TPO: variants seen among roughly 807,000 people sequenced by gnomAD.
TPO encodes thyroid microsomal antigen.
TPO carries 78 observed loss-of-function variants against 96.9 expected under a neutral mutation model. The ratio of observed to expected loss-of-function variants is 0.81; its 90% CI spans 0.67 to 0.97. The LOEUF is 0.97. Ranked by LOEUF, TPO falls within the 50% of genes least tolerant of loss-of-function variation. TPO has a pLI of 0.00. For synonymous variants in TPO, 547 were observed against 538.0 expected (o/e 1.02, Z -0.23); for missense variants, 1,252 against 1,274.8 (o/e 0.98, Z 0.27).
chr2:1,459,948 T>C (rs1370490695), intron 7 of TPO, among the ~76,000 whole-genome samples: 1 of 4,348 alleles, frequency 2.3e-4, no homozygotes, highest in African/African-American at 3.1e-4. Context: ...CTTTCTTTCT[T>C]TTTTTTTTTT....
At position 1,502,572 on chromosome 2, in the gene TPO, T is replaced by C. The variant is rs142209827; in HGVS notation, c.2387-1376T>C. Among the ~76,000 whole-genome samples the C allele has an allele frequency of 2.0e-3, 305 of 152,174 alleles. 2 individuals carry two copies. The highest frequency in any genetic ancestry group is 7.0e-3 in the African/African-American group (290 of 41,512). On this transcript the variant is annotated intron_variant, in intron 13 of 16. Coordinates refer to ENST00000329066, the MANE Select transcript of TPO (RefSeq NM_001206744.2). ...ACCCAGCTCATTTTTGTATTTTTAG[T>C]GGAGATGGGATTTCACCATGTTGGC...
intron 5 of TPO, among the ~76,000 whole-genome samples, chr2:1,446,304 C>T (rs931766936): frequency 6.6e-5 from 10 of 152,190 alleles, no homozygotes; most frequent in Non-Finnish European, 1.5e-5. Flanking sequence ...TTCTCCACCT[C>T]CAGGATTTAT....
intron 15 of TPO, among the ~76,000 whole-genome samples, chr2:1,518,802 G>C (rs965343170): frequency 3.3e-5 from 5 of 152,214 alleles, no homozygotes; most frequent in Non-Finnish European, 7.3e-5. Context: ...TCAATCATCT[G>C]ACTCAGGTGC....
chr2:1,438,783 T>A (rs1573186631), intron 5 of TPO: 1 of 363,070 alleles, frequency 2.8e-6, no homozygotes, highest in African/African-American at 4.4e-5. Context: ...CTGGAGATTT[T>A]TTTTTTTTTT....
intron 1 of TPO, among the ~76,000 whole-genome samples, chr2:1,385,220 T>C (rs1237845982): frequency 2.6e-5 from 4 of 152,226 alleles, no homozygotes; most frequent in Non-Finnish European, 5.9e-5. Flanking sequence ...GATGCTGGCC[T>C]CATAAAATGA....
intron 1 of TPO, among the ~76,000 whole-genome samples, chr2:1,394,501 C>T (rs1481622501): frequency 1.3e-5 from 2 of 152,176 alleles, no homozygotes; most frequent in Non-Finnish European, 2.9e-5. Context: ...GTGCCTGGAT[C>T]CAGACCCGCC....
intron 1 of TPO, among the ~76,000 whole-genome samples, chr2:1,378,533 G>T (rs1296423265): frequency 6.6e-6 from 1 of 152,368 alleles, no homozygotes; most frequent in Non-Finnish European, 1.5e-5. Flanking sequence ...TTTGCCACCT[G>T]TCCTGGGGGC....
At chr2:1,502,952 C>T (rs1312227809) in intron 13 of TPO, among the ~76,000 whole-genome samples, 1 of 152,218 alleles carries the variant, frequency 6.6e-6, no homozygotes, top group Non-Finnish European at 1.5e-5. Flanking sequence ...GGCCAGCCGA[C>T]CACCCCAGCT....
At chr2:1,389,723 G>A (rs533810230) in intron 1 of TPO, among the ~76,000 whole-genome samples, 1 of 152,260 alleles carries the variant, frequency 6.6e-6, no homozygotes, top group Admixed American at 6.5e-5. Flanking sequence ...GGCATCTGAT[G>A]TGTGGCTTTT....
At chr2:1,477,762 T>C in intron 8 of TPO, 158 bp downstream of exon 8, 1 of 985,014 alleles carries the variant, frequency 1.0e-6, no homozygotes, top group African/African-American at 1.7e-5. Context: ...CCTGTGTGGG[T>C]GCGCAGTCCT....
intron 1 of TPO, among the ~76,000 whole-genome samples, chr2:1,387,170 G>C (rs954934205): frequency 6.6e-6 from 1 of 152,120 alleles, no homozygotes; most frequent in Non-Finnish European, 1.5e-5. Flanking sequence ...CAACTTTGGT[G>C]AATCTGACAA....
intron 5 of TPO, among the ~76,000 whole-genome samples, chr2:1,437,822 C>A (rs1249934914): frequency 7.9e-6 from 1 of 127,144 alleles, no homozygotes; most frequent in African/African-American, 2.9e-5. Flanking sequence ...TCCACCCCTC[C>A]TGCCCTGAAG....
At position 1,453,798 on chromosome 2, in the gene TPO, T is replaced by C. The variant is rs370357356; in HGVS notation, c.587T>C (p.Leu196Ser). ...SQPRGWNPGFLYNGFPLPPVR... is the reference protein window; with the variant it reads ...SQPRGWNPGFSYNGFPLPPVR... ...CCCCGAGGCTGGAACCCCGGCTTCT[T>C]GTACAACGGGTTCCCACTGCCCCCG... The change falls in exon 6 of 17, where the codon TTG becomes TCG. Residue 196 changes from leucine (L) to serine (S), a missense_variant. Transcript: ENST00000329066. 6.1e-5 allele frequency: 98 copies of C among 1,613,704 alleles called. No homozygotes were observed. The highest frequency in any genetic ancestry group is 7.5e-5 in the Non-Finnish European group (88 of 1,180,032).
At chr2:1,459,637 A>C (rs1668217335) in intron 7 of TPO, among the ~76,000 whole-genome samples, 1 of 152,216 alleles carries the variant, frequency 6.6e-6, no homozygotes, top group Non-Finnish European at 1.5e-5. Flanking sequence ...AGCAGTTACA[A>C]AATTCTGGGC....
intron 2 of TPO, 152 bp downstream of exon 2, chr2:1,414,654 G>C: frequency 1.4e-6 from 1 of 689,856 alleles, no homozygotes; most frequent in East Asian, 2.8e-5. Flanking sequence ...TGTAATTCTT[G>C]ATTTTAGAAG....
intron 5 of TPO, chr2:1,438,886 G>A (rs780400623): frequency 1.1e-5 from 8 of 716,638 alleles, no homozygotes; most frequent in Admixed American, 8.1e-5. Flanking sequence ...CTTCCAGCAG[G>A]ACAGACCAAA....
At chr2:1,505,580 C>T (rs1673358114) in intron 14 of TPO, among the ~76,000 whole-genome samples, 1 of 150,992 alleles carries the variant, frequency 6.6e-6, no homozygotes, top group African/African-American at 2.4e-5. Context: ...CAGGCACACC[C>T]CCACTCCTTT....
intron 15 of TPO, among the ~76,000 whole-genome samples, chr2:1,528,020 CCT>C (rs1369503168): frequency 1.6e-4 from 24 of 147,264 alleles, no homozygotes; most frequent in Non-Finnish European, 2.5e-4. Context: ...CTCCTCAAAT[CCT>C]CCCACTATGT....
At chr2:1,405,629 G>A (rs920513159) in intron 1 of TPO, among the ~76,000 whole-genome samples, 2 of 151,966 alleles carry the variant, frequency 1.3e-5, no homozygotes, top group African/African-American at 4.8e-5. Flanking sequence ...AGCTTGTCAG[G>A]TGCCCTCTTC....
Sources: allele counts gnomAD v4.1 joint callset (sites outside exome capture counted in the v4.1 genomes callset), GRCh38; gene constraint gnomAD v4.1.1; transcripts MANE v1.5; gene names NCBI Gene and HGNC (gene_info 2026-07-23, HGNC 2026-07-21).